Variants in FAT4 observed in about 807,000 individuals in gnomAD.
The protein encoded by FAT4 is protocadherin Fat 4.
FAT4 carries 84 observed loss-of-function variants against 303.9 expected under a neutral mutation model. The ratio of observed to expected loss-of-function variants is 0.28; its 90% CI spans 0.23 to 0.33. The LOEUF is 0.33. Ranked by LOEUF, FAT4 falls within the 10% of genes least tolerant of loss-of-function variation. The pLI is 1.00. For missense variants in FAT4, 6,005 were observed against 6,146.8 expected, an observed-to-expected ratio of 0.98 and a Z score of 0.77; for synonymous variants, 2,307 against 2,298.8, an observed-to-expected ratio of 1.00 and a Z score of -0.10.
At chr4:125,367,719 T>A (rs1732937913) in intron 2 of FAT4, among the ~76,000 whole-genome samples, 1 of 152,162 alleles carries the variant, frequency 6.6e-6, no homozygotes, top group South Asian at 2.1e-4. Context: ...ACCTTCCTTA[T>A]AGGTGAAATT....
intron 2 of FAT4, among the ~76,000 whole-genome samples, chr4:125,368,419 G>A (rs1732967672): frequency 6.6e-6 from 1 of 150,692 alleles, no homozygotes; most frequent in African/African-American, 2.4e-5. Flanking sequence ...TGGGAATTGA[G>A]CCAATGTGCC....
chr4:125,416,671 C>T, intron 7 of FAT4, 49 bp downstream of exon 7: 1 of 1,582,882 alleles, frequency 6.3e-7, no homozygotes, highest in South Asian at 1.1e-5. Context: ...CTAGGCCAGG[C>T]ACGGTGGCTC....
At chr4:125,471,910 A>G (rs1726874203) in intron 12 of FAT4, among the ~76,000 whole-genome samples, 1 of 140,222 alleles carries the variant, frequency 7.1e-6, no homozygotes, top group Non-Finnish European at 1.5e-5. Context: ...AAAAAAAAAA[A>G]AAAAAAAAAA....
At chr4:125,348,496 G>A (rs982259684) in intron 2 of FAT4, among the ~76,000 whole-genome samples, 1 of 151,660 alleles carries the variant, frequency 6.6e-6, no homozygotes, top group East Asian at 1.9e-4. Context: ...AATAATTAAT[G>A]CTATATTGAG....
Position 125,317,533 on chromosome 4 carries a change from C to T in FAT4, c.1122C>T (p.Gly374=), listed in dbSNP as rs767282262. The T allele has an allele frequency of 6.2e-7, 1 of 1,613,910 alleles. No homozygotes were observed. Among genetic ancestry groups the T allele is most frequent in the South Asian group, 1.1e-5 (1 of 91,072 alleles). ...YASVDENAQV[G]TVVALLTVTD... The stretch of plus-strand genomic sequence containing the variant: ...CGGTAGATGAGAATGCTCAAGTGGG[C>T]ACCGTGGTGGCTCTGCTCACCGTGA... Residue 374 remains glycine (G), a synonymous_variant, in exon 2 of 18, where the codon GGC becomes GGT. Coordinates refer to ENST00000394329, the MANE Select transcript of FAT4 (RefSeq NM_001291303.3). This position sits in a 1 kb window ranked among gnomAD's most constrained non-coding sequence, Gnocchi z 7.0.
At chr4:125,447,967 G>A (rs548344904) in intron 9 of FAT4, among the ~76,000 whole-genome samples, 1 of 152,110 alleles carries the variant, frequency 6.6e-6, no homozygotes, top group South Asian at 2.1e-4. Context: ...AAACAGTGGG[G>A]ACAAGGAATA....
chr4:125,470,042 T>C (rs772138623), intron 12 of FAT4, among the ~76,000 whole-genome samples: 2 of 152,188 alleles, frequency 1.3e-5, no homozygotes, highest in Non-Finnish European at 2.9e-5. Flanking sequence ...GGATGCTGTG[T>C]TAGCAAGCAT....
chr4:125,321,685 T>C, intron 2 of FAT4, 99 bp downstream of exon 2: 1 of 1,203,722 alleles, frequency 8.3e-7, no homozygotes, highest in African/African-American at 1.5e-5. Flanking sequence ...TCATTGTTTA[T>C]TGTTAAATTT....
Position 125,416,505 on chromosome 4 carries a change from G to T in FAT4, c.6901G>T (p.Gly2301Cys). Residue 2301 changes from glycine (G) to cysteine (C), a missense_variant, in exon 7 of 18, where the codon GGT (glycine) becomes TGT (cysteine). Gly to Cys is a radical substitution (Grantham distance 159). Transcript: ENST00000394329. ...CAGCAAACTCTCATATGTTCTGTTT[G>T]GTGGTAATGAAGACAATGCTTTTAC... ...SNSKLSYVLF[G>C]GNEDNAFTLS... 6.2e-7 allele frequency: 1 copy of T among 1,613,918 alleles called. No individual in the cohort carries two copies. The highest frequency in any genetic ancestry group is 8.5e-7 in the Non-Finnish European group (1 of 1,179,886).
At chr4:125,402,161 A>G (rs988362264) in intron 3 of FAT4, among the ~76,000 whole-genome samples, 1 of 152,030 alleles carries the variant, frequency 6.6e-6, no homozygotes, top group African/African-American at 2.4e-5. Context: ...TCTTTTCAGA[A>G]AAATTATTAC....
rs1331619391 is a variant in FAT4, at chr4:125,319,228, G to T, written c.2817G>T (p.Leu939=). 6.2e-7 allele frequency: 1 copy of T among 1,614,106 alleles called. No individual in the cohort carries two copies. The highest frequency in any genetic ancestry group is 8.5e-7 in the Non-Finnish European group (1 of 1,179,992). Residue 939 remains leucine, a synonymous_variant, in exon 2 of 18, where the codon CTG becomes CTT. Transcript: ENST00000394329. The part of the protein sequence containing the change: ...LYSLKQNPKN[L]FAINEKNGTI... ...GTCTGAAGCAAAACCCCAAGAACCT[G>T]TTTGCTATCAATGAAAAGAATGGCA...
intron 7 of FAT4, among the ~76,000 whole-genome samples, chr4:125,420,460 A>G (rs1735245109): frequency 6.6e-6 from 1 of 152,230 alleles, no homozygotes; most frequent in Non-Finnish European, 1.5e-5. Flanking sequence ...ATATTTATTT[A>G]ACATACTTAT....
chr4:125,404,034 T>A (rs1734491457), intron 3 of FAT4, among the ~76,000 whole-genome samples: 1 of 152,150 alleles, frequency 6.6e-6, no homozygotes, highest in African/African-American at 2.4e-5. Context: ...ATTAGTGCCC[T>A]GGAATTGATG....
chr4:125,323,988 G>T (rs1319543434), intron 2 of FAT4, among the ~76,000 whole-genome samples: 1 of 152,144 alleles, frequency 6.6e-6, no homozygotes, highest in Non-Finnish European at 1.5e-5. Flanking sequence ...GACATTTGGG[G>T]TAAGAGGCTA....
intron 2 of FAT4, among the ~76,000 whole-genome samples, chr4:125,370,210 A>G (rs1159229503): frequency 6.6e-6 from 1 of 152,154 alleles, no homozygotes; most frequent in Non-Finnish European, 1.5e-5. Flanking sequence ...GGATGGAAAT[A>G]TATTTCATAT....
intron 17 of FAT4, 129 bp from the exon 18 acceptor site, chr4:125,489,772 T>G: frequency 1.5e-6 from 1 of 687,474 alleles, no homozygotes; most frequent in Non-Finnish European, 2.3e-6. Flanking sequence ...GAGACTGAGG[T>G]TTCTGTATTC....
chr4:125,477,692 C>T (rs1263738766), intron 14 of FAT4, among the ~76,000 whole-genome samples: 1 of 152,026 alleles, frequency 6.6e-6, no homozygotes, highest in Admixed American at 6.5e-5. Context: ...ATCATGGACA[C>T]ATAGAACTTT....
intron 2 of FAT4, among the ~76,000 whole-genome samples, chr4:125,335,369 G>T (rs1731531654): frequency 6.6e-6 from 1 of 152,024 alleles, no homozygotes; most frequent in South Asian, 2.1e-4. Flanking sequence ...TGTTGTGATT[G>T]AGCAGTATTA....
intron 12 of FAT4, 46 bp downstream of exon 12, chr4:125,468,865 C>T (rs376646762): frequency 1.3e-6 from 2 of 1,544,660 alleles, no homozygotes; most frequent in Non-Finnish European, 1.8e-6. Context: ...ACTGGATCTT[C>T]AAATAAAGTA....
Sources: allele counts gnomAD v4.1 joint callset (sites outside exome capture counted in the v4.1 genomes callset), GRCh38; gene constraint gnomAD v4.1.1; non-coding constraint Gnocchi (gnomAD v3.1); transcripts MANE v1.5; gene names NCBI Gene and HGNC (gene_info 2026-07-23, HGNC 2026-07-21).